Variants in TMEM178B observed in about 807,000 individuals in gnomAD.
The protein encoded by TMEM178B is transmembrane protein 178B.
In TMEM178B, 5 loss-of-function variants were observed where a neutral mutation model predicts 31.0. The ratio of observed to expected loss-of-function variants is 0.16; its 90% confidence interval spans 0.08 to 0.34. TMEM178B has a LOEUF of 0.34. Among genes scored for constraint, TMEM178B ranks in the 10% least tolerant of loss-of-function variants. TMEM178B has a pLI of 1.00. For synonymous variants in TMEM178B, 164 were observed against 164.0 expected (o/e 1.00, Z 0.00); for missense variants, 275 against 400.3 (o/e 0.69, Z 2.67).
At chr7:141,229,360 A>G (rs1434564878) in intron 2 of TMEM178B, among the ~76,000 whole-genome samples, 2 of 152,016 alleles carry the variant, frequency 1.3e-5, no homozygotes, top group African/African-American at 4.8e-5. Flanking sequence ...GGCAGCATGC[A>G]TTTGCCCATC....
At chr7:141,196,533 C>T (rs188094657) in intron 1 of TMEM178B, among the ~76,000 whole-genome samples, 5 of 152,268 alleles carry the variant, frequency 3.3e-5, no homozygotes, top group Admixed American at 2.0e-4. Context: ...TGTGGAGCAG[C>T]GTTTCTGAAA....
chr7:141,469,470 G>A (rs1802200617), intron 3 of TMEM178B, among the ~76,000 whole-genome samples: 1 of 152,100 alleles, frequency 6.6e-6, no homozygotes, highest in South Asian at 2.1e-4. Flanking sequence ...AAGAAACTTG[G>A]CTGTTAGAAA....
At chr7:141,320,801 T>A (rs1391137220) in intron 2 of TMEM178B, among the ~76,000 whole-genome samples, 1 of 152,098 alleles carries the variant, frequency 6.6e-6, no homozygotes, top group African/African-American at 2.4e-5. Flanking sequence ...CATAAAGAGG[T>A]AAGATAACTT....
chr7:141,205,587 A>G (rs1378237259), intron 1 of TMEM178B, among the ~76,000 whole-genome samples: 1 of 152,170 alleles, frequency 6.6e-6, no homozygotes, highest in Non-Finnish European at 1.5e-5. Flanking sequence ...AGCTTTAACA[A>G]TGGGTGTCAA....
At chr7:141,309,698 C>G (rs890317322) in intron 2 of TMEM178B, among the ~76,000 whole-genome samples, 108 of 152,038 alleles carry the variant, frequency 7.1e-4, no homozygotes, top group African/African-American at 2.5e-3. Context: ...TTGTCATTTC[C>G]TATAGATTTC....
At chr7:141,338,659 A>T (rs1374555584) in intron 2 of TMEM178B, among the ~76,000 whole-genome samples, 1 of 152,136 alleles carries the variant, frequency 6.6e-6, no homozygotes, top group East Asian at 1.9e-4. Context: ...GGGACACTGT[A>T]TGCAGTATGA....
intron 1 of TMEM178B, among the ~76,000 whole-genome samples, chr7:141,091,649 A>C (rs1202572898): frequency 6.6e-6 from 1 of 152,204 alleles, no homozygotes; most frequent in East Asian, 1.9e-4. Context: ...TAGGAATAAC[A>C]ACAAGAATAT....
At chr7:141,168,014 T>C (rs375065149) in intron 1 of TMEM178B, among the ~76,000 whole-genome samples, 9 of 152,360 alleles carry the variant, frequency 5.9e-5, no homozygotes, top group East Asian at 5.8e-4. Flanking sequence ...CAGACTCTTC[T>C]ATAGATAGCA....
At chr7:141,451,265 T>A (rs1390372925) in intron 3 of TMEM178B, among the ~76,000 whole-genome samples, 2 of 152,254 alleles carry the variant, frequency 1.3e-5, no homozygotes, top group Admixed American at 1.3e-4. Context: ...TGTAAAATCA[T>A]ACCTGCCTTG....
chr7:141,125,680 G>GAAAAAAAAAAAA (rs774508037), intron 1 of TMEM178B, among the ~76,000 whole-genome samples: 3 of 78,708 alleles, frequency 3.8e-5, no homozygotes, highest in Admixed American at 1.6e-4. Context: ...ACTCCATCTC[G>GAAAAAAAAAAAA]AAAAAAAAAA....
At chr7:141,501,079 G>A in the TMEM178B span, among the ~76,000 whole-genome samples, 1 of 152,184 alleles carries the variant, frequency 6.6e-6, no homozygotes, top group African/African-American at 2.4e-5. Context: ...TCTACATCTT[G>A]TTGCTTGGGA....
intron 2 of TMEM178B, among the ~76,000 whole-genome samples, chr7:141,224,779 T>C (rs1395278421): frequency 1.3e-5 from 2 of 152,180 alleles, no homozygotes; most frequent in Non-Finnish European, 2.9e-5. Context: ...GAAGTCAGGC[T>C]GGGATGTGGG....
chr7:141,096,524 A>G (rs1794963205), intron 1 of TMEM178B, among the ~76,000 whole-genome samples: 1 of 152,222 alleles, frequency 6.6e-6, no homozygotes, highest in South Asian at 2.1e-4. Flanking sequence ...TTGGTGGCCA[A>G]TTGGACTTTA....
chr7:141,410,345 C>T (rs907894373), intron 2 of TMEM178B, among the ~76,000 whole-genome samples: 5 of 152,196 alleles, frequency 3.3e-5, no homozygotes, highest in South Asian at 2.1e-4. Context: ...GTCAGGGCTC[C>T]GAGCTCTGCC....
At chr7:141,160,449 C>G (rs576205501) in intron 1 of TMEM178B, among the ~76,000 whole-genome samples, 6 of 152,166 alleles carry the variant, frequency 3.9e-5, no homozygotes, top group Admixed American at 6.5e-5. Flanking sequence ...TCACTGCCTC[C>G]TCCTTGCCCC....
chr7:141,250,385 G>A (rs1283887967), intron 2 of TMEM178B, among the ~76,000 whole-genome samples: 2 of 152,232 alleles, frequency 1.3e-5, no homozygotes, highest in African/African-American at 4.8e-5. Context: ...CACACAGCTA[G>A]TGAGTGGCAG....
At chr7:141,436,825 T>C (rs1463785842) in intron 2 of TMEM178B, among the ~76,000 whole-genome samples, 1 of 152,122 alleles carries the variant, frequency 6.6e-6, no homozygotes, top group Non-Finnish European at 1.5e-5. Context: ...GACAACCCTC[T>C]TCCTCCTGGA....
chr7:141,269,110 T>G (rs79261402), intron 2 of TMEM178B, among the ~76,000 whole-genome samples: 4 of 151,218 alleles, frequency 2.6e-5, no homozygotes, highest in African/African-American at 7.3e-5. Context: ...TTTTTTTTTT[T>G]GAGACATTCT....
At chr7:141,354,123 G>T (rs951266467) in intron 2 of TMEM178B, among the ~76,000 whole-genome samples, 12 of 152,336 alleles carry the variant, frequency 7.9e-5, no homozygotes, top group African/African-American at 2.9e-4. Context: ...AAGCTTTAAA[G>T]AGTCTACAGT....
Sources: allele counts gnomAD v4.1 joint callset (sites outside exome capture counted in the v4.1 genomes callset), GRCh38; gene constraint gnomAD v4.1.1; transcripts MANE v1.5; gene names NCBI Gene and HGNC (gene_info 2026-07-23, HGNC 2026-07-21).